Variants in NRXN2 observed in about 807,000 individuals in gnomAD.
The protein encoded by NRXN2 is neurexin-2-beta.
Under a neutral mutation model 128.8 loss-of-function variants are expected in NRXN2, and 29 were observed. The ratio of observed to expected loss-of-function variants is 0.23; its 90% CI spans 0.17 to 0.31. The LOEUF is 0.31. NRXN2 is among the 10% of genes least tolerant of loss of function. NRXN2 has a pLI of 1.00. For missense variants in NRXN2, 1,881 were observed against 2,452.6 expected (o/e 0.77, Z 4.92); for synonymous variants, 1,098 against 1,075.2 (o/e 1.02, Z -0.41).
intron 1 of NRXN2, among the ~76,000 whole-genome samples, chr11:64,721,351 C>T (rs1238369567): frequency 6.6e-6 from 1 of 151,928 alleles, no homozygotes; most frequent in African/African-American, 2.4e-5. Context: ...TCAGCCCAGG[C>T]CTGGGCTGGA....
chr11:64,697,868 G>A, intron 2 of NRXN2, 76 bp from the exon 3 acceptor site: 3 of 1,567,144 alleles, frequency 1.9e-6, no homozygotes, highest in African/African-American at 2.7e-5. Context: ...AGGTACCACG[G>A]ACAGGGGCTC....
chr11:64,685,976 G>T (rs764210595), intron 5 of NRXN2, 29 bp from the exon 6 acceptor site: 2 of 1,613,674 alleles, frequency 1.2e-6, no homozygotes, highest in Non-Finnish European at 1.7e-6. Flanking sequence ...GGAAACGGGA[G>T]AAGGCTGAAT....
rs1411295017 is a variant in NRXN2, at chr11:64,713,731, C to G, written c.-32G>C. The G allele has an allele frequency of 2.9e-6, 3 of 1,030,280 alleles. No homozygotes were observed. The highest frequency in any genetic ancestry group is 3.5e-6 in the Non-Finnish European group (3 of 859,072). The allele number at this position is 1,030,280 out of a possible 1,614,324, so 63.8% of individuals were successfully genotyped here. ...GGCGGCCCCGGCCCCGCCCGGCCCC[C>G]GGCCCCCGCTCAGGCTTCAGAGCCG... On this transcript the variant is annotated 5_prime_UTR_variant, in exon 2 of 23. Coordinates refer to ENST00000265459, the MANE Select transcript of NRXN2 (RefSeq NM_015080.4).
intron 17 of NRXN2, chr11:64,643,298 G>C (rs1014951650): frequency 4.1e-6 from 4 of 977,738 alleles, no homozygotes; most frequent in Middle Eastern, 5.2e-4. Flanking sequence ...GACTGGGGCC[G>C]GCCGCGCCGC....
In NRXN2 at chr11:64,630,106, C is replaced by T. The variant is rs1026196103; in HGVS notation, c.3757+296G>A. Among the ~76,000 whole-genome samples, 2 of 152,052 alleles carry T rather than the reference C, an allele frequency of 1.3e-5. No individual in the cohort carries two copies. The highest frequency in any genetic ancestry group is 1.3e-4 in the Admixed American group (2 of 15,284). On this transcript the variant is annotated intron_variant, in intron 19 of 22. Coordinates refer to ENST00000265459, the MANE Select transcript of NRXN2 (RefSeq NM_015080.4). This position sits in a 1 kb window ranked among gnomAD's most constrained non-coding sequence, Gnocchi z 4.6. ...TCTACCCTCCCTCCACTTCTCCCCC[C>T]ACCCCCAAACTGGACCCTGGCCTTG...
At chr11:64,620,911 G>GAGT (rs2042243633) in intron 21 of NRXN2, among the ~76,000 whole-genome samples, 1 of 151,518 alleles carries the variant, frequency 6.6e-6, no homozygotes, top group African/African-American at 2.4e-5. Context: ...ATGACGACAA[G>GAGT]AGAAGACTTT....
chr11:64,713,413 G>C lies in NRXN2; in HGVS notation c.287C>G (p.Ala96Gly), dbSNP rs751385058. The C allele has an allele frequency of 2.0e-6, 3 of 1,495,134 alleles. No homozygotes were observed. In the South Asian group the frequency reaches 3.7e-5, roughly 19 times the overall value. The allele number at this position is 1,495,134 out of a possible 1,614,324, so 92.6% of individuals were successfully genotyped here. ...RLRLRFTLSC[A>G]EPATLQLDTP... The stretch of plus-strand genomic sequence containing the variant: ...GTCCAGCTGCAGCGTGGCCGGCTCG[G>C]CGCACGAAAGCGTGAAGCGCAGCCG... Residue 96 changes from alanine (A) to glycine (G), a missense_variant, in exon 2 of 23, where the codon GCC becomes GGC. Ala to Gly is a moderately conservative substitution (Grantham distance 60). Around this residue, in one of 7 missense-constraint regions of NRXN2, gnomAD observed 997 missense variants for 1,240.8 expected, o/e 0.80. Coordinates refer to ENST00000265459, the MANE Select transcript of NRXN2 (RefSeq NM_015080.4).
chr11:64,615,682 C>T (rs887326156), intron 22 of NRXN2, among the ~76,000 whole-genome samples: 4 of 152,152 alleles, frequency 2.6e-5, no homozygotes, highest in Non-Finnish European at 5.9e-5. Flanking sequence ...AGCACACAGG[C>T]ATACAGGCAT....
chr11:64,710,999 C>A (rs1465585559), intron 2 of NRXN2, among the ~76,000 whole-genome samples: 2 of 152,196 alleles, frequency 1.3e-5, no homozygotes, highest in Non-Finnish European at 2.9e-5. Flanking sequence ...GATGACGTAA[C>A]CCACAACCTT....
chr11:64,667,509 G>T lies in NRXN2; in HGVS notation c.1539C>A (p.Arg513=), dbSNP rs777608743. 1.9e-6 allele frequency: 3 copies of T among 1,614,086 alleles called. No individual in the cohort carries two copies. The highest frequency in any genetic ancestry group is 2.5e-6 in the Non-Finnish European group (3 of 1,179,990). The stretch of plus-strand genomic sequence containing the variant: ...GGAAGTCTAGGGAGATGGAGCCAGT[G>T]CGCTTAGCGCTCCAGCGGGGCAGCG... ...FVALPRWSAK[R]TGSISLDFRT... The change falls in exon 9 of 23, where the codon CGC becomes CGA. Residue 513 remains arginine, a synonymous_variant. Transcript: ENST00000265459. The surrounding 1 kb of genome is among the most constrained non-coding windows in gnomAD (Gnocchi z 5.6).
Position 64,631,224 on chromosome 11 carries a change from T to C in NRXN2, c.3586-651A>G, listed in dbSNP as rs1005696211. Among the ~76,000 whole-genome samples, 1 of 136,354 alleles carries C rather than the reference T, an allele frequency of 7.3e-6. No individual in the cohort carries two copies. The highest frequency in any genetic ancestry group is 2.8e-5 in the African/African-American group (1 of 35,466). 89.5% of individuals were successfully genotyped at this position (136,354 alleles called of 152,430 possible). On this transcript the variant is annotated intron_variant, in intron 18 of 22. Transcript: ENST00000265459. This position sits in a 1 kb window ranked among gnomAD's most constrained non-coding sequence, Gnocchi z 4.8. ...GGTGTGGACTGTGTGTATGGTGGGATGGACACCAGAAGAGCTGAGGGTCAA... is the reference window on the plus strand; with the variant it reads ...GGTGTGGACTGTGTGTATGGTGGGACGGACACCAGAAGAGCTGAGGGTCAA...
Position 64,648,800 on chromosome 11 carries a change from C to T in NRXN2, c.3217G>A (p.Gly1073Arg). ...QGCLASVDLN[G>R]RLPDLIADAL... is the part of the protein sequence containing the mutation. Reference sequence around the variant, plus strand: ...TCGGCGATGAGGTCTGGGAGACGTCCGTTGAGGTCCACTGAGGCCAGGCAG... The same window carrying T: ...TCGGCGATGAGGTCTGGGAGACGTCTGTTGAGGTCCACTGAGGCCAGGCAG... The change falls in exon 16 of 23, where the codon GGA becomes AGA. Residue 1073 changes from glycine (G) to arginine (R), a missense_variant. Transcript: ENST00000265459. This position sits in a 1 kb window ranked among gnomAD's most constrained non-coding sequence, Gnocchi z 4.1. 2 of 1,614,170 alleles carry T rather than the reference C, an allele frequency of 1.2e-6. No homozygotes were observed. The highest frequency in any genetic ancestry group is 1.7e-6 in the Non-Finnish European group (2 of 1,180,016).
Position 64,667,599 on chromosome 11 carries a change from T to G in NRXN2, c.1449A>C (p.Ser483=). 1 of 1,614,216 alleles carries G rather than the reference T, an allele frequency of 6.2e-7. No homozygotes were observed. The highest frequency in any genetic ancestry group is 8.5e-7 in the Non-Finnish European group (1 of 1,180,038). The change falls in exon 9 of 23, where the codon TCA becomes TCC. Residue 483 remains serine (S), a synonymous_variant. Coordinates refer to ENST00000265459, the MANE Select transcript of NRXN2 (RefSeq NM_015080.4). This position sits in a 1 kb window ranked among gnomAD's most constrained non-coding sequence, Gnocchi z 5.6. ...DPKMKLQGDL[S]FRCEDVAALD... The stretch of plus-strand genomic sequence containing the variant: ...GGGCAGCCACATCCTCACAGCGGAA[T>G]GACAAGTCCCCCTGCAGCTTCATCT...
intron 6 of NRXN2, among the ~76,000 whole-genome samples, chr11:64,682,007 TA>T (rs1244119400): frequency 2.0e-5 from 3 of 152,068 alleles, no homozygotes; most frequent in Non-Finnish European, 2.9e-5. Flanking sequence ...TCCCCATCCT[TA>T]ATGACTCCAT....
intron 7 of NRXN2, among the ~76,000 whole-genome samples, chr11:64,672,911 G>C (rs1421406415): frequency 6.6e-6 from 1 of 152,184 alleles, no homozygotes; most frequent in Non-Finnish European, 1.5e-5. Context: ...TTTGGGAATA[G>C]AGAGGAAAGA....
At position 64,607,578 on chromosome 11, in the gene NRXN2, G is replaced by T. The variant is rs1185195530; in HGVS notation, c.4757C>A (p.Thr1586Lys). 2 of 1,535,868 alleles carry T rather than the reference G, an allele frequency of 1.3e-6. No individual in the cohort carries two copies. The highest frequency in any genetic ancestry group is 2.4e-5 in the South Asian group (2 of 84,708). Residue 1586 changes from threonine to lysine, a missense_variant, in exon 23 of 23, where the codon ACG becomes AAG. By Grantham distance (78) the Thr-to-Lys change is moderately conservative. Around this residue, in one of 7 missense-constraint regions of NRXN2, gnomAD observed 310 missense variants for 318.2 expected, o/e 0.97. Transcript: ENST00000265459. Reference protein sequence around the residue: ...ENPPLGPGAPTSFEPRRPPPL... With the variant: ...ENPPLGPGAPKSFEPRRPPPL... ...AGGGGGCCTCCGCGGCTCAAAGGACGTGGGGGCCCCGGGCCCCAAGGGCGG... is the reference window on the plus strand; with the variant it reads ...AGGGGGCCTCCGCGGCTCAAAGGACTTGGGGGCCCCGGGCCCCAAGGGCGG...
At position 64,607,250 on chromosome 11, in the gene NRXN2, G is replaced by C; in HGVS notation, c.5085C>G (p.Ala1695=). 8 of 1,614,004 alleles carry C rather than the reference G, an allele frequency of 5.0e-6. No homozygotes were observed. Among genetic ancestry groups the C allele is most frequent in the Non-Finnish European group, 6.8e-6 (8 of 1,179,974 alleles). Residue 1695 remains alanine, a synonymous_variant, in exon 23 of 23, where the codon GCC becomes GCG. Coordinates refer to ENST00000265459, the MANE Select transcript of NRXN2 (RefSeq NM_015080.4). ...GAVVKEKAPA[A]PKTPSKAKKN... ...TCTTGGCCTTGCTGGGCGTCTTGGG[G>C]GCAGCCGGGGCCTTCTCTTTCACCA...
chr11:64,705,147 AG>A (rs1463081769), intron 2 of NRXN2, among the ~76,000 whole-genome samples: 1 of 152,210 alleles, frequency 6.6e-6, no homozygotes, highest in Non-Finnish European at 1.5e-5. Flanking sequence ...CAAGGAATTT[AG>A]GGTAGTTACT....
At chr11:64,673,182 C>T (rs1236239234) in intron 7 of NRXN2, among the ~76,000 whole-genome samples, 1 of 152,186 alleles carries the variant, frequency 6.6e-6, no homozygotes, top group African/African-American at 2.4e-5. Context: ...GCAGTCCAGG[C>T]ATTCAAGTTT....
Sources: gnomAD v4.1 joint callset for allele counts (sites outside exome capture counted in the v4.1 genomes callset) on GRCh38, gnomAD v4.1.1 for gene constraint, gnomAD v4.1.1 regional missense constraint, Gnocchi (gnomAD v3.1) non-coding constraint, MANE v1.5 for transcripts, NCBI Gene and HGNC (gene_info 2026-07-23, HGNC 2026-07-21) for gene names.